The following MAD1L1 variants were observed in gnomAD, a reference collection of about 807,000 sequenced individuals.
MAD1L1 encodes mitotic spindle assembly checkpoint protein MAD1.
A neutral mutation model predicts 96.9 loss-of-function variants in MAD1L1; 95 were observed. The observed-to-expected ratio is 0.98, with a 90% CI of 0.83 to 1.16. MAD1L1 has a LOEUF of 1.16. Among genes scored for constraint, MAD1L1 ranks in the 50% most tolerant of loss-of-function variants. The probability of loss-of-function intolerance (pLI) is 0.00; values close to 1 mark genes in which losing one functional copy is unlikely to be tolerated. For missense variants in MAD1L1, 1,007 were observed against 954.4 expected, an observed-to-expected ratio of 1.06 and a Z score of -0.73; for synonymous variants, 473 against 396.6, an observed-to-expected ratio of 1.19 and a Z score of -2.29.
intron 11 of MAD1L1, among the ~76,000 whole-genome samples, chr7:2,139,055 C>T (rs1335256234): frequency 5.3e-5 from 8 of 152,132 alleles, no homozygotes; most frequent in Non-Finnish European, 8.8e-5. Context: ...CCTCAGCAGA[C>T]GCCCCGGTAC....
chr7:2,204,655 G>A (rs1049438757), intron 10 of MAD1L1, among the ~76,000 whole-genome samples: 3 of 152,240 alleles, frequency 2.0e-5, no homozygotes, highest in Admixed American at 2.0e-4. Flanking sequence ...ATTACACTGC[G>A]TGGAGACGCC....
chr7:2,095,618 T>C (rs1406912462), intron 11 of MAD1L1, among the ~76,000 whole-genome samples: 1 of 152,016 alleles, frequency 6.6e-6, no homozygotes, highest in Non-Finnish European at 1.5e-5. Context: ...GGAGGCGAGG[T>C]GGACAGCAGC....
At chr7:2,141,047 G>C (rs1316701399) in intron 11 of MAD1L1, among the ~76,000 whole-genome samples, 1 of 152,262 alleles carries the variant, frequency 6.6e-6, no homozygotes, top group Non-Finnish European at 1.5e-5. Flanking sequence ...ACACAAGCTG[G>C]CTAAAGCAGC....
chr7:1,929,702 GCTGCCACGTCCCCTCGCCCATCCCCCA>G (rs1562532481), intron 17 of MAD1L1, among the ~76,000 whole-genome samples: 44 of 131,124 alleles, frequency 3.4e-4, no homozygotes, highest in African/African-American at 1.0e-3. Context: ...CTGCAGCCCC[GCTGCCACGTCCCCTCGCCCATCCCCCA>G]CTGCCACGTC....
chr7:1,838,417 G>T (rs867968627), intron 18 of MAD1L1, among the ~76,000 whole-genome samples: 14 of 152,196 alleles, frequency 9.2e-5, no homozygotes, highest in Admixed American at 6.5e-4. Flanking sequence ...AGCCCCAAAC[G>T]GAAGCAATTC....
chr7:2,106,726 C>A (rs566222999), intron 11 of MAD1L1, among the ~76,000 whole-genome samples: 1 of 152,362 alleles, frequency 6.6e-6, no homozygotes, highest in Admixed American at 6.5e-5. Context: ...AGGGCCTCCA[C>A]GAAACCTGAG....
intron 12 of MAD1L1, among the ~76,000 whole-genome samples, chr7:2,046,946 T>C (rs1482021386): frequency 6.6e-6 from 1 of 152,218 alleles, no homozygotes; most frequent in Non-Finnish European, 1.5e-5. Flanking sequence ...CCCCCTGGGC[T>C]GAGCGCACCC....
chr7:2,105,025 C>G (rs563197942), intron 11 of MAD1L1, among the ~76,000 whole-genome samples: 42 of 152,300 alleles, frequency 2.8e-4, no homozygotes, highest in African/African-American at 1.0e-3. Flanking sequence ...AGCCTGAGGG[C>G]TGACCCACCC....
intron 18 of MAD1L1, chr7:1,847,514 G>A (rs1450975042): frequency 2.1e-6 from 1 of 471,010 alleles, no homozygotes; most frequent in East Asian, 6.9e-5. Flanking sequence ...AGCTCAGCTG[G>A]AAGGTTCCAT....
chr7:2,206,495 G>C (rs1230326209), intron 10 of MAD1L1, among the ~76,000 whole-genome samples: 1 of 152,156 alleles, frequency 6.6e-6, no homozygotes, highest in Non-Finnish European at 1.5e-5. Flanking sequence ...AGGTGTTAAG[G>C]CTCATCCTCA....
At chr7:1,832,114 G>A (rs1032859064) in intron 18 of MAD1L1, among the ~76,000 whole-genome samples, 1 of 152,184 alleles carries the variant, frequency 6.6e-6, no homozygotes, top group Non-Finnish European at 1.5e-5. Context: ...CTTCTGGAAA[G>A]GAGCTGTCAT....
At chr7:2,097,234 C>G (rs968932084) in intron 11 of MAD1L1, among the ~76,000 whole-genome samples, 5 of 151,846 alleles carry the variant, frequency 3.3e-5, no homozygotes, top group African/African-American at 4.8e-5. Flanking sequence ...CCCCACCCCA[C>G]GGCACCCAAG....
At chr7:2,065,052 CAGG>C (rs1784822122) in intron 12 of MAD1L1, among the ~76,000 whole-genome samples, 2 of 152,140 alleles carry the variant, frequency 1.3e-5, no homozygotes. Context: ...AGGCTTCTTT[CAGG>C]AGGACAGCAG....
Position 1,959,732 on chromosome 7 carries a change from A to G in MAD1L1, c.1506-2013T>C, listed in dbSNP as rs544941953. On this transcript the variant is annotated intron_variant, in intron 15 of 18. Coordinates refer to ENST00000265854, the MANE Select transcript of MAD1L1 (RefSeq NM_001013836.2). ...AACAGAAGCAAATAAAGATGCCTTC[A>G]GATCAGACACGAAAGCTTAAAGAAT... Among the ~76,000 whole-genome samples the G allele has an allele frequency of 5.9e-5, 9 of 152,364 alleles. No individual in the cohort carries two copies. The East Asian group carries it at 1.7e-3, about 29-fold the overall frequency.
chr7:2,149,213 C>G lies in MAD1L1; in HGVS notation c.1012G>C (p.Val338Leu). Residue 338 changes from valine (V) to leucine (L), a missense_variant, in exon 11 of 19, where the codon GTG becomes CTG. Coordinates refer to ENST00000265854, the MANE Select transcript of MAD1L1 (RefSeq NM_001013836.2). ...IRTPEDLSRF[V>L]VELQQRELAL... ...AGCTCCCTCTGCTGCAGCTCAACCACGAATCTGGAAAGGTCTTCTGGAGTC... is the reference window on the plus strand; with the variant it reads ...AGCTCCCTCTGCTGCAGCTCAACCAGGAATCTGGAAAGGTCTTCTGGAGTC... 6.2e-7 allele frequency: 1 copy of G among 1,614,090 alleles called. No homozygotes were observed. The highest frequency in any genetic ancestry group is 8.5e-7 in the Non-Finnish European group (1 of 1,180,014).
chr7:1,943,912 T>A (rs1562548684), intron 16 of MAD1L1, among the ~76,000 whole-genome samples: 1 of 151,834 alleles, frequency 6.6e-6, no homozygotes, highest in Non-Finnish European at 1.5e-5. Context: ...GAACACAAGG[T>A]CCACCAGTTG....
In MAD1L1 at chr7:1,936,694, C is replaced by G; in HGVS notation, c.1800G>C (p.Glu600Asp). ...GGGGTGGGGGGTGCCTACCTGCCACCTCCTTGGACGATGGCAGACTCGCGG... is the reference window on the plus strand; with the variant it reads ...GGGGTGGGGGGTGCCTACCTGCCACGTCCTTGGACGATGGCAGACTCGCGG... ...AAAASLPSSK[E>D]VAELKKQVES... Residue 600 changes from glutamate to aspartate, a missense_variant, in exon 17 of 19, where the codon GAG becomes GAC. By Grantham distance (45) the Glu-to-Asp change is conservative. Transcript: ENST00000265854. 6.4e-7 allele frequency: 1 copy of G among 1,552,014 alleles called. No homozygotes were observed. The highest frequency in any genetic ancestry group is 8.7e-7 in the Non-Finnish European group (1 of 1,149,044).
At chr7:2,116,315 T>C (rs1434915522) in intron 11 of MAD1L1, among the ~76,000 whole-genome samples, 1 of 152,182 alleles carries the variant, frequency 6.6e-6, no homozygotes, top group Non-Finnish European at 1.5e-5. Context: ...CAGGCCTGAC[T>C]CATCTCATAT....
At position 1,968,856 on chromosome 7, in the gene MAD1L1, A is replaced by T. The variant is rs1313676447; in HGVS notation, c.1506-11137T>A. Among the ~76,000 whole-genome samples, 1 of 152,236 alleles carries T rather than the reference A, an allele frequency of 6.6e-6. No homozygotes were observed. Among genetic ancestry groups the T allele is most frequent in the East Asian group, 1.9e-4 (1 of 5,200 alleles). On this transcript the variant is annotated intron_variant, in intron 15 of 18. Coordinates refer to ENST00000265854, the MANE Select transcript of MAD1L1 (RefSeq NM_001013836.2). The surrounding 1 kb of genome is among the most constrained non-coding windows in gnomAD (Gnocchi z 5.6). Reference sequence around the variant, plus strand: ...CTGTCACCGACCAGCGGCAGAAGAGATGTGACGACTAAAATCAACACGGTG... The same window carrying T: ...CTGTCACCGACCAGCGGCAGAAGAGTTGTGACGACTAAAATCAACACGGTG...
Sources: gnomAD v4.1 joint callset for allele counts (sites outside exome capture counted in the v4.1 genomes callset) on GRCh38, gnomAD v4.1.1 for gene constraint, Gnocchi (gnomAD v3.1) non-coding constraint, MANE v1.5 for transcripts, NCBI Gene and HGNC (gene_info 2026-07-23, HGNC 2026-07-21) for gene names.